Variants in CCDC152 observed in about 807,000 individuals in gnomAD.
CCDC152 encodes coiled-coil domain containing 152.
CCDC152 carries 37 observed loss-of-function variants against 38.1 expected under a neutral mutation model. The observed-to-expected ratio is 0.97, with a 90% confidence interval of 0.75 to 1.28. The LOEUF (loss-of-function observed/expected upper bound fraction) is 1.28. Among genes scored for constraint, CCDC152 ranks in the 50% most tolerant of loss-of-function variants. The pLI is 0.00. For synonymous variants in CCDC152, 83 were observed against 87.1 expected (o/e 0.95, Z 0.26); for missense variants, 259 against 292.1 (o/e 0.89, Z 0.83).
chr5:42,786,093 C>A (rs1759917912), intron 6 of CCDC152, among the ~76,000 whole-genome samples: 1 of 151,848 alleles, frequency 6.6e-6, no homozygotes. Context: ...TGGGTCCTTG[C>A]CAGATTTTGG....
At chr5:42,781,017 A>T (rs778150898) in intron 5 of CCDC152, among the ~76,000 whole-genome samples, 34 of 152,202 alleles carry the variant, frequency 2.2e-4, no homozygotes, top group Non-Finnish European at 4.3e-4. Context: ...ACTTGGCTCA[A>T]CCCAGATAGA....
chr5:42,774,114 G>A (rs948118610), intron 4 of CCDC152, among the ~76,000 whole-genome samples: 3 of 152,162 alleles, frequency 2.0e-5, no homozygotes, highest in African/African-American at 7.2e-5. Flanking sequence ...ACAAACTGAT[G>A]CATCTAAAAT....
At position 42,800,941 on chromosome 5, in the gene CCDC152, A is replaced by G. The variant is rs1760178143; in HGVS notation, c.*1160A>G. 3 of 1,614,228 alleles carry G rather than the reference A, an allele frequency of 1.9e-6. No homozygotes were observed. Among genetic ancestry groups the G allele is most frequent in the African/African-American group, 2.7e-5 (2 of 75,054 alleles). On this transcript the variant is annotated 3_prime_UTR_variant, in exon 9 of 9. Coordinates refer to ENST00000361970, the MANE Select transcript of CCDC152 (RefSeq NM_001134848.2). ...GTGATTGCAGACCCTGTTTTTTCAAATATCAGATGTCGACAATGGCAGCAT... is the reference window on the plus strand; with the variant it reads ...GTGATTGCAGACCCTGTTTTTTCAAGTATCAGATGTCGACAATGGCAGCAT...
chr5:42,796,024 G>T (rs888365562), intron 6 of CCDC152, among the ~76,000 whole-genome samples: 1 of 151,226 alleles, frequency 6.6e-6, no homozygotes, highest in Non-Finnish European at 1.5e-5. Flanking sequence ...CTCACTCATA[G>T]GTGGGAATTG....
Position 42,801,176 on chromosome 5 carries a change from T to C in CCDC152, c.*1395T>C, listed in dbSNP as rs28919922. The C allele has an allele frequency of 1.6e-3, 2,547 of 1,614,142 alleles. 47 individuals carry two copies. The African/African-American group carries it at 0.031, about 19-fold the overall frequency. On this transcript the variant is annotated 3_prime_UTR_variant, in exon 9 of 9. Coordinates refer to ENST00000361970, the MANE Select transcript of CCDC152 (RefSeq NM_001134848.2). ...CAGGATGAGTAGGAGCATTTGGTGC[T>C]CCTGGTTGCTGATTCTCTGAAAGCT...
chr5:42,772,115 T>A (rs749823377), intron 4 of CCDC152, among the ~76,000 whole-genome samples: 22 of 152,248 alleles, frequency 1.4e-4, no homozygotes, highest in Non-Finnish European at 3.2e-4. Context: ...TATACACAGA[T>A]CAATCAATGT....
intron 3 of CCDC152, among the ~76,000 whole-genome samples, chr5:42,768,679 T>G (rs899908811): frequency 1.3e-5 from 2 of 152,230 alleles, no homozygotes; most frequent in African/African-American, 2.4e-5. Context: ...GAGGATAGAC[T>G]GGAAGATAGA....
At position 42,801,166 on chromosome 5, in the gene CCDC152, C is replaced by T. The variant is rs3877899; in HGVS notation, c.*1385C>T. ...CCTGGAGGAGCAGGATGAGTAGGAGCATTTGGTGCTCCTGGTTGCTGATTC... is the reference window on the plus strand; with the variant it reads ...CCTGGAGGAGCAGGATGAGTAGGAGTATTTGGTGCTCCTGGTTGCTGATTC... On this transcript the variant is annotated 3_prime_UTR_variant, in exon 9 of 9. Coordinates refer to ENST00000361970, the MANE Select transcript of CCDC152 (RefSeq NM_001134848.2). 0.23 allele frequency: 366,790 copies of T among 1,613,784 alleles called. 44,356 individuals carry two copies. The highest frequency in any genetic ancestry group is 0.27 in the African/African-American group (20,006 of 74,902).
At chr5:42,760,332 A>G (rs568749644) in intron 2 of CCDC152, among the ~76,000 whole-genome samples, 156 of 151,734 alleles carry the variant, frequency 1.0e-3, no homozygotes, top group African/African-American at 3.6e-3. Flanking sequence ...AAGAAAGCCT[A>G]CATTGTCCAT....
intron 1 of CCDC152, among the ~76,000 whole-genome samples, chr5:42,758,702 G>A (rs988233538): frequency 6.6e-6 from 1 of 152,126 alleles, no homozygotes; most frequent in African/African-American, 2.4e-5. Flanking sequence ...ATTGCTTTGA[G>A]CACATTAACT....
intron 2 of CCDC152, among the ~76,000 whole-genome samples, chr5:42,761,163 CT>C (rs1759547997): frequency 6.6e-6 from 1 of 152,048 alleles, no homozygotes; most frequent in South Asian, 2.1e-4. Context: ...TATATGGAGG[CT>C]TATTATACTA....
chr5:42,770,556 G>C (rs1355470779), intron 4 of CCDC152, among the ~76,000 whole-genome samples: 1 of 151,568 alleles, frequency 6.6e-6, no homozygotes, highest in African/African-American at 2.4e-5. Flanking sequence ...AATATATTTT[G>C]AAATTAGGTA....
chr5:42,792,566 G>A (rs978074296), intron 6 of CCDC152, among the ~76,000 whole-genome samples: 1 of 152,130 alleles, frequency 6.6e-6, no homozygotes, highest in Admixed American at 6.5e-5. Flanking sequence ...GAAATCTGTA[G>A]TAATTATTAA....
At chr5:42,792,365 G>T (rs1760016410) in intron 6 of CCDC152, among the ~76,000 whole-genome samples, 1 of 152,076 alleles carries the variant, frequency 6.6e-6, no homozygotes, top group African/African-American at 2.4e-5. Context: ...CTTTAATTCT[G>T]TAACTTTTTG....
At chr5:42,798,785 C>A (rs200672940) in intron 7 of CCDC152, among the ~76,000 whole-genome samples, 4 of 150,888 alleles carry the variant, frequency 2.7e-5, no homozygotes, top group African/African-American at 7.3e-5. Context: ...TGTGCAAAAA[C>A]AAAAAAAAAT....
chr5:42,758,616 T>C (rs1337025502), intron 1 of CCDC152, among the ~76,000 whole-genome samples: 2 of 152,218 alleles, frequency 1.3e-5, no homozygotes, highest in Non-Finnish European at 2.9e-5. Flanking sequence ...GAAACTCTTA[T>C]TCTTCAGCAG....
At position 42,759,185 on chromosome 5, in the gene CCDC152, A is replaced by C. The variant is rs1759517864; in HGVS notation, c.64A>C (p.Asn22His). Residue 22 changes from asparagine (N) to histidine (H), a missense_variant, in exon 2 of 9, where the codon AAT becomes CAT. By Grantham distance (68) the Asn-to-His change is moderately conservative. Coordinates refer to ENST00000361970, the MANE Select transcript of CCDC152 (RefSeq NM_001134848.2). The part of the protein sequence containing the change: ...ISSVNLDKLI[N>H]DFSQIEKKMV... ...CAGTGTGAATCTTGACAAACTTATA[A>C]ATGACTTCTCACAGATAGAAAAGGT... is the stretch of plus-strand genomic sequence containing the variant. 1.9e-6 allele frequency: 3 copies of C among 1,549,346 alleles called. No individual in the cohort carries two copies. The highest frequency in any genetic ancestry group is 2.6e-6 in the Non-Finnish European group (3 of 1,145,010).
At chr5:42,757,068 G>T (rs933042311) in intron 1 of CCDC152, among the ~76,000 whole-genome samples, 183 bp downstream of exon 1, 1 of 151,910 alleles carries the variant, frequency 6.6e-6, no homozygotes, top group Non-Finnish European at 1.5e-5. Context: ...ACGCTAGAAA[G>T]CGATTCGAAA....
chr5:42,790,986 C>A (rs2111588930), intron 6 of CCDC152, among the ~76,000 whole-genome samples: 1 of 152,254 alleles, frequency 6.6e-6, no homozygotes, highest in East Asian at 1.9e-4. Flanking sequence ...CATGTAGCAA[C>A]TCTTCTGTGG....
Sources: allele counts gnomAD v4.1 joint callset (sites outside exome capture counted in the v4.1 genomes callset), GRCh38; gene constraint gnomAD v4.1.1; transcripts MANE v1.5; gene names NCBI Gene and HGNC (gene_info 2026-07-23, HGNC 2026-07-21).